RAD17: variants seen among roughly 807,000 people sequenced by gnomAD.
The protein encoded by RAD17 is cell cycle checkpoint protein RAD17.
A neutral mutation model predicts 81.5 loss-of-function variants in RAD17; 31 were observed. The observed-to-expected ratio is 0.38, with a 90% CI of 0.29 to 0.51. RAD17 has a LOEUF of 0.51. Among genes scored for constraint, RAD17 ranks in the 20% least tolerant of loss-of-function variants. The probability of loss-of-function intolerance (pLI) is 0.88; values close to 1 mark genes in which losing one functional copy is unlikely to be tolerated. For synonymous variants in RAD17, 261 were observed against 266.2 expected (o/e 0.98, Z 0.19); for missense variants, 681 against 781.2 (o/e 0.87, Z 1.53).
rs185499030 is a variant in RAD17 at position 69,396,403 on chromosome 5, T to C, written c.1429T>C (p.Ser477Pro). 11 of 1,610,720 alleles carry C rather than the reference T, an allele frequency of 6.8e-6. No homozygotes were observed. In the East Asian group the frequency reaches 2.2e-4, roughly 33 times the overall value. Reference sequence around the variant, plus strand: ...ATCTTGTCTCATTTGTTAGACACGCTCTTTACTCAGGGAATATAGCACATC... The same window carrying C: ...ATCTTGTCTCATTTGTTAGACACGCCCTTTACTCAGGGAATATAGCACATC... ...DILSGDWNTR[S>P]LLREYSTSIA... The change falls in exon 16 of 19, where the codon TCT (serine) becomes CCT (proline). Residue 477 changes from serine to proline, a missense_variant. By Grantham distance (74) the Ser-to-Pro change is moderately conservative. Transcript: ENST00000354868.
chr5:69,374,546 A>G, intron 5 of RAD17, 82 bp from the exon 6 acceptor site: 1 of 837,170 alleles, frequency 1.2e-6, no homozygotes, highest in Non-Finnish European at 1.9e-6. Flanking sequence ...TTTCGTTAAT[A>G]ATGCTTAGGT....
upstream of RAD17, chr5:69,369,466 T>C (rs544748486): frequency 3.7e-6 from 6 of 1,610,850 alleles, no homozygotes; most frequent in East Asian, 2.2e-5. Flanking sequence ...CCCTGACCGG[T>C]GAGCAGGATG....
intron 5 of RAD17, 53 bp from the exon 6 acceptor site, chr5:69,374,575 C>CA (rs1763221529): frequency 5.8e-6 from 8 of 1,371,698 alleles, no homozygotes; most frequent in South Asian, 1.3e-5. Flanking sequence ...GCTGATGTAC[C>CA]AAAAAATCTT....
intron 12 of RAD17, among the ~76,000 whole-genome samples, chr5:69,390,373 A>G (rs1172070565): frequency 2.0e-5 from 3 of 152,188 alleles, no homozygotes; most frequent in Non-Finnish European, 4.4e-5. Flanking sequence ...TGGGTCAGGC[A>G]TGGTGACTCA....
rs1002830858 is a variant in RAD17 at position 69,373,987 on chromosome 5, GA to G, written c.170del (p.Asn57IlefsTer5). 6.2e-7 allele frequency: 1 copy of G among 1,613,014 alleles called. No individual in the cohort carries two copies. The highest frequency in any genetic ancestry group is 8.5e-7 in the Non-Finnish European group (1 of 1,179,368). ...ESSRFPARKR[G>X]NLSSLEQIYG... Reference sequence around the variant, plus strand: ...AGCAGATTTCCAGCGAGAAAAAGAGGAAATCTATCTTCCTTAGAACAGATTT... The same window carrying G: ...AGCAGATTTCCAGCGAGAAAAAGAGGAATCTATCTTCCTTAGAACAGATTT... On this transcript the variant is annotated frameshift_variant, in exon 5 of 19. Coordinates refer to ENST00000354868, the MANE Select transcript of RAD17 (RefSeq NM_133338.3). LOFTEE classifies it high-confidence loss of function.
At chr5:69,399,076 T>C (rs954012655) in intron 16 of RAD17, among the ~76,000 whole-genome samples, 1 of 151,784 alleles carries the variant, frequency 6.6e-6, no homozygotes, top group Non-Finnish European at 1.5e-5. Context: ...AGACCAGCAA[T>C]ATAGTGAGAT....
At chr5:69,394,868 T>G (rs1764787860) in intron 15 of RAD17, among the ~76,000 whole-genome samples, 1 of 152,028 alleles carries the variant, frequency 6.6e-6, no homozygotes, top group South Asian at 2.1e-4. Context: ...TGAGACCAGC[T>G]GGGGCAATGT....
chr5:69,373,802 A>G (rs776703492), intron 4 of RAD17, 28 bp from the exon 5 acceptor site: 4 of 1,570,048 alleles, frequency 2.5e-6, no homozygotes, highest in Non-Finnish European at 3.5e-6. Flanking sequence ...AAATGTGATT[A>G]TATTTACATG....
At chr5:69,374,290 G>A (rs561068205) in intron 5 of RAD17, among the ~76,000 whole-genome samples, 3 of 152,110 alleles carry the variant, frequency 2.0e-5, no homozygotes, top group Non-Finnish European at 4.4e-5. Flanking sequence ...AGTTGTCTTA[G>A]ATTTAATTTA....
chr5:69,380,432 A>G lies in RAD17; in HGVS notation c.352-1469A>G, dbSNP rs566123911. Among the ~76,000 whole-genome samples the G allele has an allele frequency of 1.1e-4, 17 of 152,280 alleles. No homozygotes were observed. In the East Asian group the frequency reaches 1.5e-3, roughly 14 times the overall value. The stretch of plus-strand genomic sequence containing the variant: ...TTATAATTTTATGAGACTACTGTTT[A>G]TATGTGGTTCATCATTGACTGAAAG... On this transcript the variant is annotated intron_variant, in intron 6 of 18. Transcript: ENST00000354868.
chr5:69,379,058 A>G (rs1763686392), intron 6 of RAD17, among the ~76,000 whole-genome samples: 1 of 152,196 alleles, frequency 6.6e-6, no homozygotes, highest in African/African-American at 2.4e-5. Context: ...CCTGGCCAAC[A>G]TGGTGAAACC....
intron 18 of RAD17, among the ~76,000 whole-genome samples, chr5:69,411,075 C>T (rs1400642166): frequency 6.8e-6 from 1 of 147,782 alleles, no homozygotes; most frequent in Non-Finnish European, 1.5e-5. Context: ...TTTGACTTAG[C>T]TTATTTGTAA....
intron 18 of RAD17, among the ~76,000 whole-genome samples, chr5:69,410,965 C>CCATATATATATA (rs1554044687): frequency 0.033 from 2,996 of 90,158 alleles, 201 homozygotes; most frequent in Non-Finnish European, 0.042. Context: ...AGATGTCTGT[C>CCATATATATATA]TATATATATA....
At chr5:69,409,263 C>A (rs970485677) in intron 17 of RAD17, among the ~76,000 whole-genome samples, 5 of 152,100 alleles carry the variant, frequency 3.3e-5, no homozygotes, top group African/African-American at 1.2e-4. Context: ...AGGGAGACTG[C>A]AGCTGGGACA....
intron 17 of RAD17, among the ~76,000 whole-genome samples, chr5:69,404,939 C>T (rs1482726563): frequency 5.3e-5 from 8 of 151,960 alleles, no homozygotes. Context: ...GATGCTGTCT[C>T]AAAAGGCAAA....
Position 69,386,091 on chromosome 5 carries a change from C to G in RAD17, c.694C>G (p.Leu232Val), listed in dbSNP as rs766645288. The part of the protein sequence containing the change: ...YRDSHTLHEV[L>V]RKYVRIGRCP... Reference sequence around the variant, plus strand: ...GGATTCTCATACTTTACATGAAGTTCTAAGGTAGGTTTCAGTGAAGTATTC... The same window carrying G: ...GGATTCTCATACTTTACATGAAGTTGTAAGGTAGGTTTCAGTGAAGTATTC... The change falls in exon 9 of 19, where the codon CTA becomes GTA. Residue 232 changes from leucine to valine, a missense_variant. Transcript: ENST00000354868. The G allele has an allele frequency of 3.0e-5, 48 of 1,603,898 alleles. No homozygotes were observed. Among genetic ancestry groups the G allele is most frequent in the Non-Finnish European group, 3.6e-5 (42 of 1,176,056 alleles).
rs938047683 is a variant in RAD17 at position 69,371,659 on chromosome 5, C to T, written c.-176+102C>T. 1.3e-4 allele frequency: 69 copies of T among 548,790 alleles called. No homozygotes were observed. In the African/African-American group the frequency reaches 1.3e-3, roughly 10 times the overall value. 34.0% of individuals were successfully genotyped at this position (548,790 alleles called of 1,614,324 possible). On this transcript the variant is annotated intron_variant, in intron 3 of 18. Transcript: ENST00000354868. ...ATTACTGCTATCAAAGTAATAGAGC[C>T]GAGTATCTATTGTAATTAATGATTT...
intron 18 of RAD17, among the ~76,000 whole-genome samples, chr5:69,413,020 GTTAA>G (rs1380840876): frequency 1.3e-5 from 2 of 150,846 alleles, no homozygotes; most frequent in African/African-American, 2.4e-5. Flanking sequence ...AGCTCATTAT[GTTAA>G]TTTTCATTTT....
chr5:69,387,383 A>G (rs1212361731), intron 11 of RAD17, among the ~76,000 whole-genome samples: 1 of 152,190 alleles, frequency 6.6e-6, no homozygotes, highest in African/African-American at 2.4e-5. Flanking sequence ...TTGCACTGCT[A>G]GGACCACAGG....
Sources: allele counts gnomAD v4.1 joint callset (sites outside exome capture counted in the v4.1 genomes callset), GRCh38; gene constraint gnomAD v4.1.1; transcripts MANE v1.5; gene names NCBI Gene and HGNC (gene_info 2026-07-23, HGNC 2026-07-21).